FAAH2: variants seen among roughly 807,000 people sequenced by gnomAD.
FAAH2 encodes the protein fatty acid amide hydrolase 2.
In FAAH2, 60 loss-of-function variants were observed where a neutral mutation model predicts 36.9. The observed-to-expected ratio is 1.63, with a 90% CI of 1.32 to 2.02. The LOEUF is 2.02. Among genes scored for constraint, FAAH2 ranks in the 30% most tolerant of loss-of-function variants. The probability of loss-of-function intolerance (pLI) is 0.00; values close to 1 mark genes in which losing one functional copy is unlikely to be tolerated. For synonymous variants in FAAH2, 214 were observed against 143.8 expected (o/e 1.49, Z -3.49); for missense variants, 689 against 397.5 (o/e 1.73, Z -6.23).
At chrX:57,280,956 A>G in the FAAH2 span, among the ~76,000 whole-genome samples, 3 of 112,361 alleles carry the variant, frequency 2.7e-5, no homozygotes, top group African/African-American at 9.7e-5. Flanking sequence ...TGCAGAGTGA[A>G]AGAAACAAAC....
intron 7 of FAAH2, chrX:57,393,314 G>A: frequency 1.1e-6 from 1 of 913,865 alleles, no homozygotes; most frequent in Non-Finnish European, 1.6e-6. Context: ...AGTGACCATA[G>A]GGCCACCCCT....
rs1183323839 is a variant in FAAH2 at position 57,303,482 on chromosome X, T to C, written c.276-7111T>C. ...GAACCTGATGAATTAGAAATGATGATAGTGATAGCCACCATTTACTGAGTG... is the reference window on the plus strand; with the variant it reads ...GAACCTGATGAATTAGAAATGATGACAGTGATAGCCACCATTTACTGAGTG... On this transcript the variant is annotated intron_variant, in intron 2 of 10. Coordinates refer to ENST00000374900, the MANE Select transcript of FAAH2 (RefSeq NM_174912.4). Among the ~76,000 whole-genome samples the C allele has an allele frequency of 3.6e-5, 4 of 112,374 alleles. No homozygotes were observed. In the South Asian group the frequency reaches 1.1e-3, roughly 31 times the overall value.
intron 8 of FAAH2, among the ~76,000 whole-genome samples, chrX:57,443,787 G>A (rs1418161167): frequency 6.3e-5 from 7 of 111,963 alleles, no homozygotes; most frequent in Middle Eastern, 9.2e-3. Context: ...TACAGATGGG[G>A]TTTAGGTGTG....
At chrX:57,217,242 C>G in the FAAH2 span, among the ~76,000 whole-genome samples, 1 of 88,686 alleles carries the variant, frequency 1.1e-5, no homozygotes, top group Non-Finnish European at 2.1e-5. Context: ...TTTACTTTGA[C>G]GACTGTTTTT....
intron 10 of FAAH2, among the ~76,000 whole-genome samples, chrX:57,449,700 CT>C (rs2056749097): frequency 9.1e-6 from 1 of 110,045 alleles, no homozygotes; most frequent in Non-Finnish European, 1.9e-5. Context: ...GAGTTTTGCT[CT>C]TGTTGCCCAG....
chrX:57,418,099 C>T (rs2055894295), intron 7 of FAAH2, among the ~76,000 whole-genome samples: 1 of 111,489 alleles, frequency 9.0e-6, no homozygotes, highest in African/African-American at 3.3e-5. Context: ...AGAGCATGCC[C>T]TATCGACTTC....
intron 5 of FAAH2, among the ~76,000 whole-genome samples, chrX:57,375,796 A>G (rs1277643916): frequency 3.6e-5 from 4 of 111,722 alleles, no homozygotes; most frequent in Non-Finnish European, 7.5e-5. Flanking sequence ...GTCCTATTTA[A>G]GAAATATTTG....
At chrX:57,361,749 T>C (rs754533757) in intron 5 of FAAH2, among the ~76,000 whole-genome samples, 1 of 111,876 alleles carries the variant, frequency 8.9e-6, no homozygotes, top group African/African-American at 3.2e-5. Flanking sequence ...GAGAAGGTTG[T>C]GTATTTTGCA....
In FAAH2 at chrX:57,363,715, T is replaced by C. The variant is rs193191400; in HGVS notation, c.743-14936T>C. On this transcript the variant is annotated intron_variant, in intron 5 of 10. Coordinates refer to ENST00000374900, the MANE Select transcript of FAAH2 (RefSeq NM_174912.4). ...TGGCTGTTAGTTTTTCAATGATGGT[T>C]CTTATTATTTTGAGGTATGTTCTAT... 3.4e-3 allele frequency among the ~76,000 whole-genome samples: 377 copies of C among 111,273 alleles called. 1 individual carries two copies. The highest frequency in any genetic ancestry group is 0.012 in the African/African-American group (360 of 30,639).
At chrX:57,193,074 G>C in the FAAH2 span, among the ~76,000 whole-genome samples, 189 of 112,207 alleles carry the variant, frequency 1.7e-3, 1 homozygote, top group African/African-American at 5.9e-3. Flanking sequence ...CTGACCACTG[G>C]TGAGCTGGGT....
intron 7 of FAAH2, among the ~76,000 whole-genome samples, chrX:57,403,974 T>G (rs908718398): frequency 2.7e-5 from 3 of 112,993 alleles, no homozygotes; most frequent in Non-Finnish European, 5.6e-5. Flanking sequence ...TGACTTAGGA[T>G]AGTTCTGAAC....
intron 7 of FAAH2, among the ~76,000 whole-genome samples, chrX:57,383,930 A>G (rs2054932254): frequency 8.9e-6 from 1 of 111,950 alleles, no homozygotes; most frequent in Non-Finnish European, 1.9e-5. Context: ...ACTATACTGG[A>G]AGACTACAGT....
intron 3 of FAAH2, among the ~76,000 whole-genome samples, chrX:57,311,444 C>T (rs760875167): frequency 8.9e-6 from 1 of 112,003 alleles, no homozygotes; most frequent in Non-Finnish European, 1.9e-5. Flanking sequence ...GAACCCTTGT[C>T]GCCCGTGGGT....
chrX:57,343,841 G>A (rs2053752277), intron 5 of FAAH2, among the ~76,000 whole-genome samples: 1 of 111,591 alleles, frequency 9.0e-6, no homozygotes, highest in African/African-American at 3.3e-5. Flanking sequence ...TGGCTGGCCA[G>A]TTATCCCGGC....
intron 5 of FAAH2, among the ~76,000 whole-genome samples, chrX:57,350,760 T>C (rs1445780678): frequency 1.8e-5 from 2 of 111,312 alleles, no homozygotes; most frequent in Admixed American, 9.6e-5. Context: ...AAGGTGATTA[T>C]ATAATGATAA....
chrX:57,486,890 C>T (rs748936715), intron 10 of FAAH2, among the ~76,000 whole-genome samples: 9 of 111,656 alleles, frequency 8.1e-5, no homozygotes, highest in South Asian at 3.8e-4. Flanking sequence ...TTCTTATCTG[C>T]GGATAGTTAG....
chrX:57,299,476 A>G (rs1402945066), intron 2 of FAAH2, among the ~76,000 whole-genome samples: 2 of 110,896 alleles, frequency 1.8e-5, no homozygotes, highest in African/African-American at 3.3e-5. Context: ...AGAGCTATCT[A>G]TGACAAACCC....
At chrX:57,317,586 T>A (rs2052881331) in intron 3 of FAAH2, among the ~76,000 whole-genome samples, 1 of 111,617 alleles carries the variant, frequency 9.0e-6, no homozygotes, top group Non-Finnish European at 1.9e-5. Context: ...AACACCCCAC[T>A]GTCACTATTA....
At chrX:57,173,419 G>A in the FAAH2 span, among the ~76,000 whole-genome samples, 1 of 112,146 alleles carries the variant, frequency 8.9e-6, no homozygotes, top group Non-Finnish European at 1.9e-5. Flanking sequence ...TGATTTGTGT[G>A]CATTACTTTT....
Sources: gnomAD v4.1 joint callset for allele counts (sites outside exome capture counted in the v4.1 genomes callset) on GRCh38, gnomAD v4.1.1 for gene constraint, MANE v1.5 for transcripts, NCBI Gene and HGNC (gene_info 2026-07-23, HGNC 2026-07-21) for gene names.